SNTG1: variants seen among roughly 807,000 people sequenced by gnomAD.
The protein encoded by SNTG1 is syntrophin gamma 1.
A neutral mutation model predicts 74.7 loss-of-function variants in SNTG1; 39 were observed. The ratio of observed to expected loss-of-function variants is 0.52; its 90% confidence interval spans 0.40 to 0.68. The LOEUF (loss-of-function observed/expected upper bound fraction) is 0.68. SNTG1 is among the 30% of genes least tolerant of loss of function. SNTG1 has a pLI of 0.00. For synonymous variants in SNTG1, 254 were observed against 217.1 expected (o/e 1.17, Z -1.49); for missense variants, 685 against 609.5 (o/e 1.12, Z -1.30).
chr8:50,756,928 T>C (rs984224414), intron 18 of SNTG1, among the ~76,000 whole-genome samples: 2 of 151,782 alleles, frequency 1.3e-5, no homozygotes, highest in Non-Finnish European at 2.9e-5. Flanking sequence ...ATTTAGTACT[T>C]CTTTGATTTA....
chr8:50,697,965 G>A (rs1054519089), intron 15 of SNTG1, among the ~76,000 whole-genome samples: 1 of 152,148 alleles, frequency 6.6e-6, no homozygotes, highest in Non-Finnish European at 1.5e-5. Flanking sequence ...AAGTTAGGGA[G>A]AAATTCCTTT....
intron 12 of SNTG1, among the ~76,000 whole-genome samples, chr8:50,556,679 G>C (rs2094457319): frequency 6.6e-6 from 1 of 152,216 alleles, no homozygotes; most frequent in African/African-American, 2.4e-5. Context: ...AAATATATTT[G>C]GCATAATATA....
chr8:50,753,582 G>A (rs2095572991), intron 18 of SNTG1, among the ~76,000 whole-genome samples: 1 of 151,856 alleles, frequency 6.6e-6, no homozygotes, highest in African/African-American at 2.4e-5. Context: ...ATGGTATTTA[G>A]ATATTAATTT....
chr8:50,155,228 GA>G (rs1041826111), intron 1 of SNTG1, among the ~76,000 whole-genome samples: 2 of 152,170 alleles, frequency 1.3e-5, no homozygotes, highest in African/African-American at 4.8e-5. Context: ...AATACACAGA[GA>G]GATCATAAGA....
chr8:50,126,434 A>T (rs970283167), intron 1 of SNTG1, among the ~76,000 whole-genome samples: 5 of 152,154 alleles, frequency 3.3e-5, no homozygotes, highest in African/African-American at 9.6e-5. Context: ...AATTGATTAA[A>T]ATAACTTAGT....
intron 15 of SNTG1, among the ~76,000 whole-genome samples, chr8:50,689,603 TGATCATGGTA>T (rs148482426): frequency 0.2 from 31,058 of 151,972 alleles, 3,186 homozygotes; most frequent in South Asian, 0.31. Flanking sequence ...GAAGCCCACT[TGATCATGGTA>T]GATAAGCTGT....
intron 4 of SNTG1, among the ~76,000 whole-genome samples, chr8:50,424,027 A>T (rs1305085852): frequency 1.3e-5 from 2 of 152,184 alleles, no homozygotes; most frequent in Admixed American, 6.6e-5. Flanking sequence ...AGACAAGAAC[A>T]TCTCTTGTCA....
intron 2 of SNTG1, among the ~76,000 whole-genome samples, chr8:50,253,593 T>A (rs928694516): frequency 6.6e-6 from 1 of 151,850 alleles, no homozygotes; most frequent in Non-Finnish European, 1.5e-5. Context: ...TATACAACCA[T>A]GGATGAATGG....
At chr8:50,535,144 G>A (rs1486965501) in intron 10 of SNTG1, among the ~76,000 whole-genome samples, 1 of 152,152 alleles carries the variant, frequency 6.6e-6, no homozygotes, top group Non-Finnish European at 1.5e-5. Flanking sequence ...TAGATTATAA[G>A]AAATTTTTTA....
At chr8:50,699,222 A>C (rs1346290348) in intron 15 of SNTG1, among the ~76,000 whole-genome samples, 1 of 98,046 alleles carries the variant, frequency 1.0e-5, no homozygotes, top group East Asian at 3.8e-4. Flanking sequence ...AGAAAGAAAA[A>C]AAGTCTGGGT....
chr8:50,630,653 C>T (rs564866777), intron 13 of SNTG1, among the ~76,000 whole-genome samples: 15 of 152,184 alleles, frequency 9.9e-5, no homozygotes, highest in Non-Finnish European at 2.1e-4. Flanking sequence ...CCAAAGTAAT[C>T]TCAATGTCAG....
At chr8:50,421,789 T>A (rs573656849) in intron 4 of SNTG1, among the ~76,000 whole-genome samples, 50 of 152,250 alleles carry the variant, frequency 3.3e-4, no homozygotes, top group African/African-American at 1.2e-3. Flanking sequence ...GCATACAGAC[T>A]TACTTAATTA....
chr8:50,791,374 A>G lies in SNTG1; in HGVS notation c.1396-1297A>G, dbSNP rs879364546. On this transcript the variant is annotated intron_variant, in intron 18 of 18. Transcript: ENST00000642720. ...CTTCTATTCTCTAGGACAAGTTGCT[A>G]TTTCACAAAGGAAACTATCAAATAT... 2.0e-5 allele frequency among the ~76,000 whole-genome samples: 3 copies of G among 152,024 alleles called. No individual in the cohort carries two copies. The South Asian group carries it at 6.2e-4, about 32-fold the overall frequency.
chr8:49,958,231 A>G (rs935980581), intron 1 of SNTG1, among the ~76,000 whole-genome samples: 3 of 152,104 alleles, frequency 2.0e-5, no homozygotes, highest in Non-Finnish European at 2.9e-5. Flanking sequence ...CTTTAGGTTC[A>G]CTGTAGGGCT....
intron 1 of SNTG1, among the ~76,000 whole-genome samples, chr8:50,113,489 A>G: frequency 6.6e-6 from 1 of 152,180 alleles, no homozygotes; most frequent in Non-Finnish European, 1.5e-5. Flanking sequence ...TTGGGCTGAG[A>G]CGATGGGGTT....
intron 8 of SNTG1, among the ~76,000 whole-genome samples, chr8:50,484,851 C>T (rs2093776513): frequency 6.7e-6 from 1 of 150,070 alleles, no homozygotes; most frequent in Non-Finnish European, 1.5e-5. Flanking sequence ...AAGAGAGAGA[C>T]TCCATCTCAA....
intron 17 of SNTG1, 70 bp from the exon 18 acceptor site, chr8:50,751,931 A>G: frequency 1.1e-6 from 1 of 888,530 alleles, no homozygotes; most frequent in Non-Finnish European, 1.7e-6. Context: ...CATTTAAAAA[A>G]GAACTATTTC....
At chr8:50,729,757 A>G (rs1328876921) in intron 17 of SNTG1, among the ~76,000 whole-genome samples, 2 of 152,192 alleles carry the variant, frequency 1.3e-5, no homozygotes, top group Admixed American at 1.3e-4. Flanking sequence ...AAGCTGACCC[A>G]CAGGTAATTG....
At chr8:50,570,382 C>T (rs1000649481) in intron 12 of SNTG1, among the ~76,000 whole-genome samples, 6 of 148,184 alleles carry the variant, frequency 4.0e-5, no homozygotes, top group Non-Finnish European at 6.0e-5. Flanking sequence ...TCTCAGCCTG[C>T]GGAGTAGCTG....
Sources: gnomAD v4.1 joint callset for allele counts (sites outside exome capture counted in the v4.1 genomes callset) on GRCh38, gnomAD v4.1.1 for gene constraint, MANE v1.5 for transcripts, NCBI Gene and HGNC (gene_info 2026-07-23, HGNC 2026-07-21) for gene names.